Variants in SFMBT2 observed in about 807,000 individuals in gnomAD.
SFMBT2 encodes Scm like with four mbt domains 2, also known as scm-like with four MBT domains protein 2.
In SFMBT2, 38 loss-of-function variants were observed where a neutral mutation model predicts 110.1. The ratio of observed to expected loss-of-function variants is 0.35; its 90% CI spans 0.27 to 0.45. The LOEUF (loss-of-function observed/expected upper bound fraction) is 0.45. Ranked by LOEUF, SFMBT2 falls within the 20% of genes least tolerant of loss-of-function variation. The pLI is 1.00. For missense variants in SFMBT2, 1,011 were observed against 1,094.9 expected (o/e 0.92, Z 1.08); for synonymous variants, 425 against 425.4 (o/e 1.00, Z 0.01).
intron 4 of SFMBT2, among the ~76,000 whole-genome samples, chr10:7,352,525 G>A (rs537463692): frequency 1.5e-4 from 23 of 151,910 alleles, no homozygotes; most frequent in Non-Finnish European, 3.1e-4. Flanking sequence ...TTGCTATGTT[G>A]CCCAGGCTTA....
At chr10:7,256,123 A>G (rs1185996598) in intron 7 of SFMBT2, among the ~76,000 whole-genome samples, 2 of 152,132 alleles carry the variant, frequency 1.3e-5, no homozygotes, top group African/African-American at 2.4e-5. Flanking sequence ...TGTGGGAGGA[A>G]ATTAAGATTT....
At chr10:7,191,942 A>C (rs1838613436) in intron 15 of SFMBT2, among the ~76,000 whole-genome samples, 1 of 152,266 alleles carries the variant, frequency 6.6e-6, no homozygotes, top group East Asian at 1.9e-4. Flanking sequence ...ATCATTTGCT[A>C]TTGCTTTTCA....
intron 20 of SFMBT2, among the ~76,000 whole-genome samples, chr10:7,165,244 G>T (rs1447280676): frequency 1.3e-5 from 2 of 152,190 alleles, no homozygotes; most frequent in Admixed American, 6.5e-5. Flanking sequence ...ACCCAGGGCT[G>T]CCATAAGCCA....
rs865836285 is a variant in SFMBT2 at position 7,323,469 on chromosome 10, C to T, written c.437-37515G>A. 4.1e-5 allele frequency among the ~76,000 whole-genome samples: 4 copies of T among 96,738 alleles called. No individual in the cohort carries two copies. The East Asian group carries it at 1.3e-3, about 31-fold the overall frequency. The allele number at this position is 96,738 out of a possible 152,430, so 63.5% of individuals were successfully genotyped here. On this transcript the variant is annotated intron_variant, in intron 4 of 20. Coordinates refer to ENST00000397167, the MANE Select transcript of SFMBT2 (RefSeq NM_001387889.1). ...CCATCTCAAAAAAAAAAAAAAAAAA[C>T]CAAAAAAAAAAAAAATGAGGAAAAT...
chr10:7,284,523 G>A, intron 5 of SFMBT2: 5 of 590,964 alleles, frequency 8.5e-6, no homozygotes, highest in South Asian at 6.1e-5. Context: ...GGTAGCAAAC[G>A]GTCTACTTTT....
intron 1 of SFMBT2, among the ~76,000 whole-genome samples, chr10:7,396,163 C>T (rs1253587811): frequency 2.0e-5 from 3 of 152,150 alleles, no homozygotes; most frequent in Admixed American, 1.3e-4. Flanking sequence ...AAGGGAGAAT[C>T]GCTTGAACCC....
chr10:7,194,421 T>C (rs1328784154), intron 15 of SFMBT2, among the ~76,000 whole-genome samples: 1 of 152,206 alleles, frequency 6.6e-6, no homozygotes, highest in African/African-American at 2.4e-5. Flanking sequence ...GCACTGAGCC[T>C]TGCCAAAGAC....
intron 4 of SFMBT2, among the ~76,000 whole-genome samples, chr10:7,307,427 C>T (rs1490833960): frequency 6.6e-6 from 1 of 152,114 alleles, no homozygotes; most frequent in African/African-American, 2.4e-5. Flanking sequence ...CCCTGCCATA[C>T]AGATGACAAA....
chr10:7,345,537 T>G (rs1439401073), intron 4 of SFMBT2, among the ~76,000 whole-genome samples: 1 of 152,154 alleles, frequency 6.6e-6, no homozygotes, highest in African/African-American at 2.4e-5. Context: ...TTTTGTATTT[T>G]TAGTAAAGAC....
rs73615429 is a variant in SFMBT2 at position 7,238,718 on chromosome 10, A to G, written c.1120+4840T>C. ...AGCCTTTGCTCACACCTTTTACAGC[A>G]GAAATTTAAAGGCTGAACATTTTCT... On this transcript the variant is annotated intron_variant, in intron 9 of 20. Transcript: ENST00000397167. 6.7e-3 allele frequency among the ~76,000 whole-genome samples: 1,015 copies of G among 152,370 alleles called. 11 individuals carry two copies. Among genetic ancestry groups the G allele is most frequent in the African/African-American group, 0.023 (962 of 41,586 alleles).
At chr10:7,254,895 G>T (rs906282557) in intron 7 of SFMBT2, among the ~76,000 whole-genome samples, 1 of 152,142 alleles carries the variant, frequency 6.6e-6, no homozygotes, top group African/African-American at 2.4e-5. Context: ...ATACTGGATG[G>T]AAGCACTGAA....
chr10:7,326,370 T>C (rs1333074046), intron 4 of SFMBT2, among the ~76,000 whole-genome samples: 1 of 152,208 alleles, frequency 6.6e-6, no homozygotes, highest in African/African-American at 2.4e-5. Flanking sequence ...TGAGGGACAT[T>C]TGACATCCTT....
At chr10:7,308,726 G>GTGCTGGGGAAGC (rs1333066474) in intron 4 of SFMBT2, among the ~76,000 whole-genome samples, 3 of 152,146 alleles carry the variant, frequency 2.0e-5, no homozygotes, top group Non-Finnish European at 2.9e-5. Context: ...AAACATTAAC[G>GTGCTGGGGAAGC]TGCTGGGGAA....
intron 8 of SFMBT2, 152 bp downstream of exon 8, chr10:7,248,396 C>T (rs1179548073): frequency 9.6e-6 from 6 of 622,748 alleles, no homozygotes; most frequent in East Asian, 2.8e-5. Context: ...CTTAAAGCAG[C>T]GCTGGACTGG....
rs969215857 is a variant in SFMBT2, at chr10:7,204,457, T to C, written c.1444+1358A>G. ...TTTAACAGTTAAAACCTGTTATCTC[T>C]AAGGACTCATCATTTTAAATAACAC... On this transcript the variant is annotated intron_variant, in intron 12 of 20. Transcript: ENST00000397167. The C allele has an allele frequency of 8.1e-6, 8 of 984,704 alleles. No individual in the cohort carries two copies. In the African/African-American group the frequency reaches 1.0e-4, roughly 13 times the overall value. The allele number at this position is 984,704 out of a possible 1,614,324, so 61.0% of individuals were successfully genotyped here.
At chr10:7,319,018 T>C (rs537122253) in intron 4 of SFMBT2, among the ~76,000 whole-genome samples, 1 of 152,276 alleles carries the variant, frequency 6.6e-6, no homozygotes, top group South Asian at 2.1e-4. Flanking sequence ...CCAAGCCCAC[T>C]GGAGCAGGGC....
At chr10:7,246,701 G>A (rs7075442) in intron 8 of SFMBT2, among the ~76,000 whole-genome samples, 9,400 of 136,548 alleles carry the variant, frequency 0.069, 763 homozygotes, top group African/African-American at 0.2. Flanking sequence ...CCTGGGTGAC[G>A]GAGCAAGACT....
At chr10:7,229,938 C>T (rs1412931347) in intron 9 of SFMBT2, among the ~76,000 whole-genome samples, 2 of 151,602 alleles carry the variant, frequency 1.3e-5, no homozygotes, top group South Asian at 2.1e-4. Context: ...GGGCTGGTCT[C>T]GAACTCCTGA....
intron 2 of SFMBT2, among the ~76,000 whole-genome samples, chr10:7,371,717 C>A (rs1845069530): frequency 6.6e-6 from 1 of 152,112 alleles, no homozygotes; most frequent in Non-Finnish European, 1.5e-5. Flanking sequence ...GATCTTCCTG[C>A]AATAATGTCC....
Sources: allele counts gnomAD v4.1 joint callset (sites outside exome capture counted in the v4.1 genomes callset), GRCh38; gene constraint gnomAD v4.1.1; transcripts MANE v1.5; gene names NCBI Gene and HGNC (gene_info 2026-07-23, HGNC 2026-07-21).